Variants in GCDH observed in about 807,000 individuals in gnomAD.
GCDH encodes glutaryl-CoA dehydrogenase, mitochondrial.
Under a neutral mutation model 52.8 loss-of-function variants are expected in GCDH, and 31 were observed. The observed-to-expected ratio is 0.59, with a 90% CI of 0.44 to 0.79. GCDH has a LOEUF of 0.79. GCDH is among the 30% of genes least tolerant of loss of function. The pLI is 0.00. For synonymous variants in GCDH, 242 were observed against 250.0 expected (o/e 0.97, Z 0.30); for missense variants, 509 against 595.0 (o/e 0.86, Z 1.50).
At chr19:12,897,935 G>A (rs1970726202) in intron 11 of GCDH, 72 bp downstream of exon 11, 2 of 1,336,744 alleles carry the variant, frequency 1.5e-6, no homozygotes, top group Non-Finnish European at 2.1e-6. Flanking sequence ...GGTGGGACGG[G>A]GACAGGTCTG....
intron 3 of GCDH, 142 bp downstream of exon 3, chr19:12,891,664 A>T: frequency 6.2e-7 from 1 of 1,605,614 alleles, no homozygotes; most frequent in African/African-American, 1.3e-5. Flanking sequence ...TAAGGCAGTG[A>T]GTGCGCTGTG....
chr19:12,898,280 T>C (rs1211399866), intron 11 of GCDH: 1 of 268,068 alleles, frequency 3.7e-6, no homozygotes, highest in Non-Finnish European at 7.4e-6. Context: ...TGACGGTGTT[T>C]GCACCCTGTA....
In GCDH at chr19:12,893,634, G is replaced by A. The variant is rs2145944634; in HGVS notation, c.486G>A (p.Gln162=). ...IYAYGSEEQR[Q]KYLPQLAKGE... ...CCTATGGCAGCGAGGAACAGCGGCA[G>A]AAGTACCTGCCCCAGCTGGGTGAGT... is the stretch of plus-strand genomic sequence containing the variant. Residue 162 remains glutamine, a synonymous_variant, in exon 6 of 12, where the codon CAG becomes CAA. Transcript: ENST00000222214. 2 of 1,614,074 alleles carry A rather than the reference G, an allele frequency of 1.2e-6. No homozygotes were observed. The highest frequency in any genetic ancestry group is 1.7e-6 in the Non-Finnish European group (2 of 1,179,996).
rs1405935475 is a variant in GCDH, at chr19:12,899,473, C to G, written c.1249C>G (p.His417Asp). 3.7e-6 allele frequency: 6 copies of G among 1,614,214 alleles called. No individual in the cohort carries two copies. Among genetic ancestry groups the G allele is most frequent in the Non-Finnish European group, 5.1e-6 (6 of 1,180,040 alleles). Residue 417 changes from histidine to aspartate, a missense_variant, in exon 12 of 12, where the codon CAT becomes GAT. His to Asp is a moderately conservative substitution (Grantham distance 81). Transcript: ENST00000222214. Reference sequence around the variant, plus strand: ...TCTGTATTAATCTTGTCCAGGTACACATGACATTCACGCCCTGATCCTTGG... The same window carrying G: ...TCTGTATTAATCTTGTCCAGGTACAGATGACATTCACGCCCTGATCCTTGG... Reference protein sequence around the residue: ...LEAVNTYEGTHDIHALILGRA... With the variant: ...LEAVNTYEGTDDIHALILGRA...
chr19:12,899,213 G>A (rs1366954269), intron 11 of GCDH: 15 of 845,208 alleles, frequency 1.8e-5, no homozygotes, highest in Non-Finnish European at 2.7e-5. Context: ...AGGAGCTTTG[G>A]GTTTTTGTTT....
In GCDH at chr19:12,891,329, C is replaced by A. The variant is rs565172048; in HGVS notation, c.25C>A (p.Arg9=). MALRGVSV[R]LLSRGPGLHV... Reference sequence around the variant, plus strand: ...CATGGCCCTGAGAGGCGTCTCCGTGCGGCTGCTGAGCCGCGGACCCGGCCT... The same window carrying A: ...CATGGCCCTGAGAGGCGTCTCCGTGAGGCTGCTGAGCCGCGGACCCGGCCT... Residue 9 remains arginine (R), a synonymous_variant, in exon 2 of 12, where the codon CGG becomes AGG. Transcript: ENST00000222214. 18 of 1,610,722 alleles carry A rather than the reference C, an allele frequency of 1.1e-5. No individual in the cohort carries two copies. In the African/African-American group the frequency reaches 2.0e-4, roughly 18 times the overall value.
intron 6 of GCDH, chr19:12,894,968 C>G: frequency 3.2e-6 from 1 of 316,166 alleles, no homozygotes; most frequent in South Asian, 5.4e-5. Flanking sequence ...GCTGACCTTT[C>G]CACCTCATCT....
chr19:12,899,390 G>T (rs777295436), intron 11 of GCDH, 78 bp from the exon 12 acceptor site: 2 of 1,613,976 alleles, frequency 1.2e-6, no homozygotes, highest in African/African-American at 2.7e-5. Context: ...AGTGGCCTGG[G>T]GATACATGAA....
intron 10 of GCDH, 80 bp from the exon 11 acceptor site, chr19:12,897,623 C>T: frequency 6.4e-7 from 1 of 1,559,360 alleles, no homozygotes; most frequent in Non-Finnish European, 8.8e-7. Flanking sequence ...ATCAGGGAAT[C>T]CCCACCCCGG....
intron 6 of GCDH, chr19:12,894,031 T>G: frequency 3.3e-6 from 2 of 606,400 alleles, no homozygotes; most frequent in South Asian, 2.0e-5. Flanking sequence ...GGAGACCCCA[T>G]GTCTATTAGA....
chr19:12,896,422 G>C lies in GCDH; in HGVS notation c.852+1G>C. The stretch of plus-strand genomic sequence containing the variant: ...GCTCCCTGGTGCATCCAGCCTGGGG[G>C]TAAGTGGCAGCCACTTTGGGAATGG... On this transcript the variant is annotated splice_donor_variant, in intron 8 of 11. Coordinates refer to ENST00000222214, the MANE Select transcript of GCDH (RefSeq NM_000159.4). LOFTEE classifies it high-confidence loss of function. The surrounding 1 kb of genome is among the most constrained non-coding windows in gnomAD (Gnocchi z 5.5). The C allele has an allele frequency of 1.2e-6, 2 of 1,610,502 alleles. No homozygotes were observed. The highest frequency in any genetic ancestry group is 8.5e-7 in the Non-Finnish European group (1 of 1,178,138).
intron 3 of GCDH, 100 bp from the exon 4 acceptor site, chr19:12,891,731 G>A: frequency 6.2e-7 from 1 of 1,606,700 alleles, no homozygotes; most frequent in Non-Finnish European, 8.5e-7. Context: ...CGCACTAGCC[G>A]GGGGGCGACA....
At chr19:12,893,712 A>C in intron 6 of GCDH, 59 bp downstream of exon 6, 82 of 1,472,930 alleles carry the variant, frequency 5.6e-5, no homozygotes, top group Non-Finnish European at 7.4e-5. Context: ...TCTGGAACTC[A>C]AGGGTGGGGC....
chr19:12,893,078 G>A (rs1267562220), intron 5 of GCDH, among the ~76,000 whole-genome samples: 3 of 151,464 alleles, frequency 2.0e-5, no homozygotes, highest in Admixed American at 2.0e-4. Flanking sequence ...GTAGAAATGG[G>A]ATTTCACCAT....
At position 12,892,026 on chromosome 19, in the gene GCDH, C is replaced by T. The variant is rs550113559; in HGVS notation, c.271+52C>T. On this transcript the variant is annotated intron_variant, in intron 4 of 11. Coordinates refer to ENST00000222214, the MANE Select transcript of GCDH (RefSeq NM_000159.4). ...ACTGCTCCTCCGCCTGGAGCCATAG[C>T]CACCCCACCTCAAGGCCCCTCTGTC... 11 of 1,613,804 alleles carry T rather than the reference C, an allele frequency of 6.8e-6. No individual in the cohort carries two copies. In the South Asian group the frequency reaches 1.2e-4, roughly 18 times the overall value.
intron 5 of GCDH, among the ~76,000 whole-genome samples, chr19:12,893,062 T>G (rs949419693): frequency 6.7e-6 from 1 of 149,912 alleles, no homozygotes; most frequent in Non-Finnish European, 1.5e-5. Flanking sequence ...ATTTTTGTAT[T>G]TTTTAGTAGA....
chr19:12,891,529 A>C lies in GCDH; in HGVS notation c.127+7A>C. On this transcript the variant is annotated splice_region_variant and intron_variant, in intron 3 of 11. Coordinates refer to ENST00000222214, the MANE Select transcript of GCDH (RefSeq NM_000159.4). ...CAGAGCCAACTGGCTAAGTGTAAGG[A>C]CCTCTGGTCGCACCGTGTGTCTGCT... is the stretch of plus-strand genomic sequence containing the variant. The C allele has an allele frequency of 6.2e-7, 1 of 1,613,722 alleles. No homozygotes were observed. The highest frequency in any genetic ancestry group is 8.5e-7 in the Non-Finnish European group (1 of 1,179,916).
intron 6 of GCDH, 132 bp from the exon 7 acceptor site, chr19:12,895,860 T>A: frequency 2.0e-6 from 2 of 1,013,120 alleles, no homozygotes; most frequent in Non-Finnish European, 3.1e-6. Flanking sequence ...CCTCAATTGA[T>A]CCACCTGCCT....
intron 10 of GCDH, 55 bp from the exon 11 acceptor site, chr19:12,897,648 G>A: frequency 6.2e-7 from 1 of 1,604,658 alleles, no homozygotes; most frequent in Non-Finnish European, 8.5e-7. Flanking sequence ...GGTTTGCTTG[G>A]AGCATCGGGA....
Sources: gnomAD v4.1 joint callset for allele counts (sites outside exome capture counted in the v4.1 genomes callset) on GRCh38, gnomAD v4.1.1 for gene constraint, Gnocchi (gnomAD v3.1) non-coding constraint, MANE v1.5 for transcripts, NCBI Gene and HGNC (gene_info 2026-07-23, HGNC 2026-07-21) for gene names.